ELAPOR2: variants seen among roughly 807,000 people sequenced by gnomAD.
ELAPOR2 encodes the protein endosome-lysosome associated apoptosis and autophagy regulator family member 2.
A neutral mutation model predicts 120.7 loss-of-function variants in ELAPOR2; 89 were observed. The observed-to-expected ratio is 0.74, with a 90% CI of 0.62 to 0.88. The LOEUF (loss-of-function observed/expected upper bound fraction) is 0.88. Among genes scored for constraint, ELAPOR2 ranks in the 40% least tolerant of loss-of-function variants. The probability of loss-of-function intolerance (pLI) is 0.00; values close to 1 mark genes in which losing one functional copy is unlikely to be tolerated. For missense variants in ELAPOR2, 1,134 were observed against 1,251.6 expected (o/e 0.91, Z 1.42); for synonymous variants, 444 against 444.9 (o/e 1.00, Z 0.03).
chr7:86,982,011 C>T (rs1052508371), intron 1 of ELAPOR2, among the ~76,000 whole-genome samples: 1 of 152,382 alleles, frequency 6.6e-6, no homozygotes, highest in South Asian at 2.1e-4. Context: ...GATTATATCC[C>T]GCATCTGGCT....
intron 1 of ELAPOR2, among the ~76,000 whole-genome samples, chr7:86,967,014 G>A (rs1290566794): frequency 6.6e-6 from 1 of 152,138 alleles, no homozygotes; most frequent in East Asian, 1.9e-4. Context: ...TACAGGTTCT[G>A]GGGATTAGGA....
chr7:86,898,758 G>T (rs1021406442), intron 18 of ELAPOR2, among the ~76,000 whole-genome samples: 2 of 152,050 alleles, frequency 1.3e-5, no homozygotes, highest in Admixed American at 1.3e-4. Context: ...CAAGAGCAAC[G>T]CAATGAGTGA....
rs1217528694 is a variant in ELAPOR2 at position 86,891,872 on chromosome 7, G to T, written c.2882C>A (p.Ser961Tyr). 6.2e-7 allele frequency: 1 copy of T among 1,602,184 alleles called. No homozygotes were observed. The highest frequency in any genetic ancestry group is 1.7e-5 in the Admixed American group (1 of 59,114). Residue 961 changes from serine (S) to tyrosine (Y), a missense_variant, in exon 21 of 22, where the codon TCC becomes TAC. By Grantham distance (144) the Ser-to-Tyr change is moderately radical. Around this residue, in one of 3 missense-constraint regions of ELAPOR2, gnomAD observed 831 missense variants for 867.6 expected, o/e 0.96. Transcript: ENST00000450689. ...TGAGTTAGTCGTCATTACTAACTTG[G>T]AATATTTGTATTCCAGTCTAAATAG... The part of the protein sequence containing the change: ...KKNQKLEYKY[S>Y]KLVMTTNSKE...
At chr7:86,899,274 ATTT>A (rs1243107427) in intron 18 of ELAPOR2, among the ~76,000 whole-genome samples, 3 of 152,094 alleles carry the variant, frequency 2.0e-5, no homozygotes, top group Non-Finnish European at 4.4e-5. Flanking sequence ...GCCGGAAGCT[ATTT>A]GGACAGATTT....
Position 86,892,907 on chromosome 7 carries a change from T to A in ELAPOR2, c.2864+15A>T, listed in dbSNP as rs1788238134. 1 of 1,516,724 alleles carries A rather than the reference T, an allele frequency of 6.6e-7. No individual in the cohort carries two copies. Among genetic ancestry groups the A allele is most frequent in the African/African-American group, 1.5e-5 (1 of 68,918 alleles). The allele number at this position is 1,516,724 out of a possible 1,614,324, so 94.0% of individuals were successfully genotyped here. A position where few individuals can be genotyped will look rare whatever the true frequency, so the allele number is the denominator to read the frequency against. The stretch of plus-strand genomic sequence containing the variant: ...GCCCTCTAGCTCTCTTGTGATCATC[T>A]CAGAGGGTACTTACTTTTGATTCTT... On this transcript the variant is annotated intron_variant, in intron 20 of 21. Coordinates refer to ENST00000450689, the MANE Select transcript of ELAPOR2 (RefSeq NM_001142749.3).
chr7:86,893,025 A>G lies in ELAPOR2; in HGVS notation c.2761T>C (p.Cys921Arg). The part of the protein sequence containing the change: ...ISLPEKKLAT[C>R]ETVDFWLKVG... ...TTCAGCCAAAAGTCAACCGTTTCAC[A>G]GGTTGCCAACTTTTTCTCAGGCAAA... Residue 921 changes from cysteine to arginine, a missense_variant, in exon 20 of 22, where the codon TGT becomes CGT. Physicochemically the swap from Cys to Arg is radical, Grantham distance 180. Coordinates refer to ENST00000450689, the MANE Select transcript of ELAPOR2 (RefSeq NM_001142749.3). The G allele has an allele frequency of 1.3e-6, 2 of 1,589,142 alleles. No homozygotes were observed. Among genetic ancestry groups the G allele is most frequent in the Admixed American group, 3.7e-5 (2 of 54,440 alleles).
chr7:87,042,896 C>A (rs1262269356), intron 1 of ELAPOR2, among the ~76,000 whole-genome samples: 2 of 152,026 alleles, frequency 1.3e-5, no homozygotes, highest in Non-Finnish European at 2.9e-5. Flanking sequence ...AGAGAGGAAT[C>A]AAATAGACGC....
At chr7:87,016,649 C>T (rs1006268247) in intron 1 of ELAPOR2, among the ~76,000 whole-genome samples, 9 of 147,324 alleles carry the variant, frequency 6.1e-5, no homozygotes, top group Admixed American at 2.0e-4. Context: ...CGTAACTATA[C>T]GGAGTATAGT....
chr7:87,050,823 T>C lies in ELAPOR2; in HGVS notation c.189+8502A>G, dbSNP rs140101021. 6.4e-4 allele frequency among the ~76,000 whole-genome samples: 98 copies of C among 152,284 alleles called. 1 individual carries two copies. The highest frequency in any genetic ancestry group is 9.7e-4 in the Non-Finnish European group (66 of 68,022). ...GAGAAGTGAGAAGTTCTGATTCAGCTATTGGGAAGAGGATTTGCTGATAGG... is the reference window on the plus strand; with the variant it reads ...GAGAAGTGAGAAGTTCTGATTCAGCCATTGGGAAGAGGATTTGCTGATAGG... On this transcript the variant is annotated intron_variant, in intron 1 of 21. Coordinates refer to ENST00000450689, the MANE Select transcript of ELAPOR2 (RefSeq NM_001142749.3).
At chr7:86,946,188 C>CACACACACACAT (rs1400004271) in intron 3 of ELAPOR2, among the ~76,000 whole-genome samples, 5 of 151,984 alleles carry the variant, frequency 3.3e-5, no homozygotes, top group Admixed American at 1.3e-4. Context: ...CACACACACA[C>CACACACACACAT]ACGTGTGCAT....
At chr7:87,016,275 G>A (rs1236942999) in intron 1 of ELAPOR2, among the ~76,000 whole-genome samples, 1 of 152,078 alleles carries the variant, frequency 6.6e-6, no homozygotes, top group Admixed American at 6.6e-5. Context: ...AAAATATAAA[G>A]CTCTAGGTTA....
chr7:86,926,321 A>G (rs1202098739), intron 9 of ELAPOR2, among the ~76,000 whole-genome samples: 1 of 151,960 alleles, frequency 6.6e-6, no homozygotes. Flanking sequence ...ACAAACATTT[A>G]TACCTGCTGC....
intron 1 of ELAPOR2, among the ~76,000 whole-genome samples, chr7:86,988,381 C>G (rs189331442): frequency 0.025 from 3,164 of 127,380 alleles, 51 homozygotes; most frequent in Non-Finnish European, 0.038. Flanking sequence ...AACAATTCCA[C>G]AGTAAAAAAA....
chr7:86,965,264 T>G (rs17161133), intron 1 of ELAPOR2, among the ~76,000 whole-genome samples: 4,412 of 152,232 alleles, frequency 0.029, 205 homozygotes, highest in African/African-American at 0.1. Flanking sequence ...GTGACCATTA[T>G]CCTTTCATCT....
intron 1 of ELAPOR2, among the ~76,000 whole-genome samples, chr7:87,004,739 C>A (rs1171341521): frequency 1.3e-5 from 2 of 152,154 alleles, no homozygotes; most frequent in African/African-American, 2.4e-5. Flanking sequence ...ACAGTGCATT[C>A]TCATCATGAA....
chr7:86,883,526 T>C (rs1028801212), intron 21 of ELAPOR2, among the ~76,000 whole-genome samples: 2 of 152,128 alleles, frequency 1.3e-5, no homozygotes, highest in South Asian at 4.2e-4. Flanking sequence ...TAAACAAATG[T>C]TGGTATATCT....
Position 86,905,178 on chromosome 7 carries a change from GAGAA to G in ELAPOR2, c.2558+2488_2558+2491del, listed in dbSNP as rs767313642. Among the ~76,000 whole-genome samples, 406 of 147,878 alleles carry G rather than the reference GAGAA, an allele frequency of 2.7e-3. 3 individuals are homozygous for G. The highest frequency in any genetic ancestry group is 9.6e-3 in the African/African-American group (379 of 39,336). ...AGAGAAAGAGAGAAAGAAAGAAAGA[GAGAA>G]AGAGAGAGAGAGAGAGAGAGAGAAA... On this transcript the variant is annotated intron_variant, in intron 18 of 21. Transcript: ENST00000450689.
chr7:87,042,659 G>A (rs1794823403), intron 1 of ELAPOR2, among the ~76,000 whole-genome samples: 1 of 152,050 alleles, frequency 6.6e-6, no homozygotes, highest in African/African-American at 2.4e-5. Context: ...GAGAAAGCAG[G>A]AAAGATCCAA....
rs114580536 is a variant in ELAPOR2, at chr7:87,002,933, T to C, written c.190-37909A>G. Among the ~76,000 whole-genome samples the C allele has an allele frequency of 4.5e-3, 683 of 152,218 alleles. 1 individual carries two copies. The highest frequency in any genetic ancestry group is 0.015 in the African/African-American group (638 of 41,534). On this transcript the variant is annotated intron_variant, in intron 1 of 21. Transcript: ENST00000450689. The stretch of plus-strand genomic sequence containing the variant: ...CCATGCTACATCCTGGACTAGACAT[T>C]CCCTGGCTTTAGGGCTTGATTTTGG...
Sources: allele counts gnomAD v4.1 joint callset (sites outside exome capture counted in the v4.1 genomes callset), GRCh38; gene constraint gnomAD v4.1.1; regional missense constraint gnomAD v4.1.1; transcripts MANE v1.5; gene names NCBI Gene and HGNC (gene_info 2026-07-23, HGNC 2026-07-21).